MCM8: variants seen among roughly 807,000 people sequenced by gnomAD.
MCM8 encodes minichromosome maintenance 8 homologous recombination repair factor, also known as DNA helicase MCM8.
In MCM8, 85 loss-of-function variants were observed where a neutral mutation model predicts 98.9. The observed-to-expected ratio is 0.86, with a 90% confidence interval of 0.72 to 1.03. MCM8 has a LOEUF of 1.03. Ranked by LOEUF, MCM8 falls within the 50% of genes least tolerant of loss-of-function variation. MCM8 has a pLI of 0.00. For synonymous variants in MCM8, 352 were observed against 338.6 expected (o/e 1.04, Z -0.44); for missense variants, 951 against 997.8 (o/e 0.95, Z 0.63).
intron 5 of MCM8, 152 bp from the exon 6 acceptor site, chr20:5,956,974 A>G (rs1396875997): frequency 1.4e-5 from 6 of 417,848 alleles, no homozygotes; most frequent in South Asian, 4.7e-5. Flanking sequence ...GTAAGTAGTC[A>G]TAATTAAATA....
intron 13 of MCM8, among the ~76,000 whole-genome samples, chr20:5,981,305 C>A (rs1007035731): frequency 5.3e-5 from 8 of 152,186 alleles, no homozygotes; most frequent in Non-Finnish European, 1.2e-4. Context: ...GAGATAAAGC[C>A]TGTGAGTCTA....
At chr20:5,979,795 T>C (rs2089593178) in intron 13 of MCM8, among the ~76,000 whole-genome samples, 1 of 152,206 alleles carries the variant, frequency 6.6e-6, no homozygotes, top group African/African-American at 2.4e-5. Flanking sequence ...TACAGTAATC[T>C]CATTAAAAAT....
chr20:5,965,480 G>A (rs1057245043), intron 8 of MCM8: 2 of 151,942 alleles, frequency 1.3e-5, no homozygotes, highest in Non-Finnish European at 1.5e-5. Flanking sequence ...TTATTATGGC[G>A]GTCCTTCTAC....
intron 7 of MCM8, among the ~76,000 whole-genome samples, chr20:5,959,336 T>C (rs56059237): frequency 0.024 from 3,678 of 152,342 alleles, 131 homozygotes; most frequent in African/African-American, 0.077. Flanking sequence ...ATTTGCTCCC[T>C]AGATGCAACC....
At chr20:5,984,377 C>A (rs1303949486) in intron 14 of MCM8, among the ~76,000 whole-genome samples, 5 of 152,056 alleles carry the variant, frequency 3.3e-5, no homozygotes. Context: ...TGACAAAGTG[C>A]TATATTAGAA....
chr20:5,975,582 C>T (rs1425316667), intron 12 of MCM8, among the ~76,000 whole-genome samples: 4 of 151,204 alleles, frequency 2.6e-5, no homozygotes, highest in East Asian at 3.9e-4. Flanking sequence ...CTGCAAGCTC[C>T]GCCTCCCGGG....
chr20:5,994,389 T>C lies in MCM8; in HGVS notation c.2521T>C (p.Ter841GlnextTer15). The change falls in exon 19 of 19, where the codon TAA becomes CAA. Residue 841 changes from the stop codon to glutamine (Q), a stop_lost. Transcript: ENST00000610722. ...GPKVYQLQTM[*>Q] is the part of the protein sequence containing the mutation. ...AAAAGTTTACCAGCTTCAAACTATGTAAAAGGACTTCACCAAGTTAGGGCC... is the reference window on the plus strand; with the variant it reads ...AAAAGTTTACCAGCTTCAAACTATGCAAAAGGACTTCACCAAGTTAGGGCC... 1 of 1,589,846 alleles carries C rather than the reference T, an allele frequency of 6.3e-7. No individual in the cohort carries two copies.
At chr20:5,953,723 T>A (rs1473007402) in intron 3 of MCM8, among the ~76,000 whole-genome samples, 4 of 151,962 alleles carry the variant, frequency 2.6e-5, no homozygotes. Flanking sequence ...TCCGCCCGCC[T>A]CGGCCTCCCA....
Position 5,995,105 on chromosome 20 carries a change from C to T in MCM8, c.*714C>T, listed in dbSNP as rs1474926213. On this transcript the variant is annotated 3_prime_UTR_variant, in exon 19 of 19. Transcript: ENST00000610722. Reference sequence around the variant, plus strand: ...AATACATAAACCAATGAATATATTACATATTCTGTGTTCCAATAAAACTTT... The same window carrying T: ...AATACATAAACCAATGAATATATTATATATTCTGTGTTCCAATAAAACTTT... 2 of 152,872 alleles carry T rather than the reference C, an allele frequency of 1.3e-5. No homozygotes were observed. Among genetic ancestry groups the T allele is most frequent in the Non-Finnish European group, 2.9e-5 (2 of 68,518 alleles). The allele number at this position is 152,872 out of a possible 1,614,324, so 9.5% of individuals were successfully genotyped here.
rs527772170 is a variant in MCM8 at position 5,975,658 on chromosome 20, G to A, written c.1396-2218G>A. On this transcript the variant is annotated intron_variant, in intron 12 of 18. Transcript: ENST00000610722. ...ACTACAGGCGCCCACCACCACGCCCGGCTAATTTTTTGTATTTTTAGTAGA... is the reference window on the plus strand; with the variant it reads ...ACTACAGGCGCCCACCACCACGCCCAGCTAATTTTTTGTATTTTTAGTAGA... 2.2e-4 allele frequency among the ~76,000 whole-genome samples: 34 copies of A among 151,828 alleles called. No homozygotes were observed. The South Asian group carries it at 6.4e-3, about 29-fold the overall frequency.
In MCM8 at chr20:5,984,085, C is replaced by T. The variant is rs112619209; in HGVS notation, c.1734-696C>T. On this transcript the variant is annotated intron_variant, in intron 14 of 18. Coordinates refer to ENST00000610722, the MANE Select transcript of MCM8 (RefSeq NM_032485.6). ...AACAATGTTTATATCTGTATGTATG[C>T]TTTCTCTTCTAATTCATTCTGTACA... is the stretch of plus-strand genomic sequence containing the variant. Among the ~76,000 whole-genome samples the T allele has an allele frequency of 7.8e-3, 1,184 of 152,264 alleles. 10 individuals are homozygous for T. The highest frequency in any genetic ancestry group is 0.017 in the Middle Eastern group (5 of 294).
At chr20:5,956,910 T>C (rs1440767608) in intron 5 of MCM8, among the ~76,000 whole-genome samples, 2 of 152,112 alleles carry the variant, frequency 1.3e-5, no homozygotes, top group Admixed American at 1.3e-4. Context: ...ACTGGGATGC[T>C]GGAGTTTTTC....
chr20:5,974,736 C>G (rs1373983953), intron 12 of MCM8, among the ~76,000 whole-genome samples: 2 of 152,200 alleles, frequency 1.3e-5, no homozygotes, highest in East Asian at 3.8e-4. Flanking sequence ...ACATTATAAA[C>G]CCACTGTCCT....
intron 13 of MCM8, among the ~76,000 whole-genome samples, chr20:5,980,978 A>G (rs78905225): frequency 0.035 from 5,323 of 152,258 alleles, 126 homozygotes; most frequent in Middle Eastern, 0.1. Flanking sequence ...GTGTTTTAGT[A>G]CAGTCCACAA....
chr20:5,974,286 A>G (rs1049401539), intron 12 of MCM8, among the ~76,000 whole-genome samples: 9 of 152,002 alleles, frequency 5.9e-5, no homozygotes, highest in African/African-American at 2.2e-4. Flanking sequence ...ATGTGCCACC[A>G]TGCCTGGCTA....
intron 17 of MCM8, among the ~76,000 whole-genome samples, chr20:5,992,690 A>G (rs1020863469): frequency 5.3e-5 from 8 of 152,190 alleles, no homozygotes; most frequent in East Asian, 1.9e-4. Flanking sequence ...TTTATAACCC[A>G]TTAAAATCAT....
At chr20:5,988,148 A>G (rs1003622901) in intron 17 of MCM8, among the ~76,000 whole-genome samples, 1 of 151,950 alleles carries the variant, frequency 6.6e-6, no homozygotes, top group Admixed American at 6.6e-5. Flanking sequence ...TACTTTCATA[A>G]GCTTCAAAAT....
rs1359907884 is a variant in MCM8, at chr20:5,994,564, T to A, written c.*173T>A. ...CTGAAAAATGATGTCCCAAAAGTAT[T>A]ATAATAGGAAAAAAGCATTAAATAT... On this transcript the variant is annotated 3_prime_UTR_variant, in exon 19 of 19. Transcript: ENST00000610722. The A allele has an allele frequency of 5.4e-6, 3 of 556,848 alleles. No homozygotes were observed. In the African/African-American group the frequency reaches 5.8e-5, roughly 11 times the overall value. 34.5% of individuals were successfully genotyped at this position (556,848 alleles called of 1,614,324 possible).
At chr20:5,985,375 CGGAGGT>C (rs1314439806) in intron 15 of MCM8, among the ~76,000 whole-genome samples, 2 of 141,706 alleles carry the variant, frequency 1.4e-5, no homozygotes, top group African/African-American at 5.2e-5. Context: ...ACCTGGGAGG[CGGAGGT>C]TGCAGTGAGC....
Sources: gnomAD v4.1 joint callset for allele counts (sites outside exome capture counted in the v4.1 genomes callset) on GRCh38, gnomAD v4.1.1 for gene constraint, MANE v1.5 for transcripts, NCBI Gene and HGNC (gene_info 2026-07-23, HGNC 2026-07-21) for gene names.